SAMD4A: variants seen among roughly 807,000 people sequenced by gnomAD.
The protein encoded by SAMD4A is sterile alpha motif domain containing 4A, also known as protein Smaug homolog 1.
In SAMD4A, 33 loss-of-function variants were observed where a neutral mutation model predicts 81.3. That is an observed-to-expected ratio of 0.41 (90% CI 0.31 to 0.54). SAMD4A has a LOEUF of 0.54. SAMD4A is among the 20% of genes least tolerant of loss of function. The pLI is 0.37. For missense variants in SAMD4A, 854 were observed against 951.1 expected, an observed-to-expected ratio of 0.90 and a Z score of 1.34; for synonymous variants, 389 against 382.1, an observed-to-expected ratio of 1.02 and a Z score of -0.21.
chr14:54,708,353 C>T (rs904196847), intron 3 of SAMD4A, among the ~76,000 whole-genome samples: 9 of 152,112 alleles, frequency 5.9e-5, no homozygotes, highest in African/African-American at 1.9e-4. Context: ...GGAGTAAGCT[C>T]GGGAGTTCAG....
chr14:54,751,042 G>A (rs1204629137), intron 5 of SAMD4A, among the ~76,000 whole-genome samples: 1 of 152,150 alleles, frequency 6.6e-6, no homozygotes, highest in Non-Finnish European at 1.5e-5. Flanking sequence ...TGGGAAGATT[G>A]CTTGAGCCCA....
intron 2 of SAMD4A, chr14:54,695,035 C>G (rs1303374566): frequency 6.4e-6 from 3 of 468,142 alleles, no homozygotes; most frequent in African/African-American, 6.4e-5. Flanking sequence ...CTTCTGCTGT[C>G]AGAAAAGACT....
intron 2 of SAMD4A, among the ~76,000 whole-genome samples, chr14:54,651,856 C>T (rs1422142389): frequency 6.6e-6 from 1 of 152,168 alleles, no homozygotes; most frequent in African/African-American, 2.4e-5. Context: ...GGCCATGACT[C>T]TTATATAGAC....
intron 2 of SAMD4A, among the ~76,000 whole-genome samples, chr14:54,654,123 C>T (rs1323267550): frequency 3.9e-5 from 6 of 152,156 alleles, no homozygotes; most frequent in Non-Finnish European, 7.3e-5. Context: ...TTTCAGTTGA[C>T]GTATTCATTC....
At position 54,663,777 on chromosome 14, in the gene SAMD4A, T is replaced by C. The variant is rs551381643; in HGVS notation, c.197-38285T>C. 2.0e-5 allele frequency among the ~76,000 whole-genome samples: 3 copies of C among 152,332 alleles called. No homozygotes were observed. The East Asian group carries it at 5.8e-4, about 29-fold the overall frequency. On this transcript the variant is annotated intron_variant, in intron 2 of 12. Coordinates refer to ENST00000554335, the MANE Select transcript of SAMD4A (RefSeq NM_015589.6). ...GTACTGTGGGAGCTCACTTAATCCA[T>C]CTGCCAGTTAACATGTTCTCTCTCT...
At chr14:54,704,921 T>C (rs1250618316) in intron 3 of SAMD4A, among the ~76,000 whole-genome samples, 1 of 152,204 alleles carries the variant, frequency 6.6e-6, no homozygotes, top group African/African-American at 2.4e-5. Context: ...CCTCTATCAA[T>C]AAACCCTGAG....
At chr14:54,641,039 CG>C (rs2035162605) in intron 2 of SAMD4A, among the ~76,000 whole-genome samples, 1 of 152,160 alleles carries the variant, frequency 6.6e-6, no homozygotes, top group African/African-American at 2.4e-5. Context: ...AATAAAAGCT[CG>C]GCTGTTCCTC....
chr14:54,650,589 C>G (rs956351657), intron 2 of SAMD4A, among the ~76,000 whole-genome samples: 5 of 152,190 alleles, frequency 3.3e-5, no homozygotes, highest in Admixed American at 3.3e-4. Flanking sequence ...CCAGAAAACA[C>G]TGGTTTCCCC....
At chr14:54,592,702 C>T (rs2033812026) in intron 2 of SAMD4A, among the ~76,000 whole-genome samples, 1 of 152,106 alleles carries the variant, frequency 6.6e-6, no homozygotes, top group Admixed American at 6.5e-5. Context: ...CTCGTGATCC[C>T]CCTGTCTTGG....
At chr14:54,707,865 A>G (rs1398476080) in intron 3 of SAMD4A, among the ~76,000 whole-genome samples, 1 of 152,184 alleles carries the variant, frequency 6.6e-6, no homozygotes, top group Non-Finnish European at 1.5e-5. Context: ...GGAAAAAGCA[A>G]GAAGGCTGGT....
At chr14:54,621,516 A>ATT (rs34686015) in intron 2 of SAMD4A, among the ~76,000 whole-genome samples, 2 of 141,764 alleles carry the variant, frequency 1.4e-5, no homozygotes, top group East Asian at 2.1e-4. Context: ...TGCCCAAATA[A>ATT]TTTTTTTTTT....
intron 2 of SAMD4A, among the ~76,000 whole-genome samples, chr14:54,575,315 C>T (rs1399787603): frequency 1.6e-4 from 24 of 152,182 alleles, no homozygotes; most frequent in Admixed American, 1.6e-3. Flanking sequence ...TATCAAATGG[C>T]AGTAACCTGT....
chr14:54,628,545 C>T (rs868633710), intron 2 of SAMD4A, among the ~76,000 whole-genome samples: 1 of 152,126 alleles, frequency 6.6e-6, no homozygotes, highest in Non-Finnish European at 1.5e-5. Flanking sequence ...ATAAAGCATG[C>T]TCTGTCCCCA....
At chr14:54,656,354 C>T (rs1368949969) in intron 2 of SAMD4A, among the ~76,000 whole-genome samples, 1 of 152,200 alleles carries the variant, frequency 6.6e-6, no homozygotes, top group African/African-American at 2.4e-5. Flanking sequence ...GCTTCTCTCT[C>T]CATGTCACAT....
At chr14:54,644,165 A>G (rs1366532646) in intron 2 of SAMD4A, among the ~76,000 whole-genome samples, 1 of 147,658 alleles carries the variant, frequency 6.8e-6, no homozygotes, top group Non-Finnish European at 1.5e-5. Flanking sequence ...ATTTTCACAC[A>G]CATTTCTTGA....
chr14:54,773,172 C>G (rs940388763), intron 9 of SAMD4A, among the ~76,000 whole-genome samples: 1 of 152,170 alleles, frequency 6.6e-6, no homozygotes, highest in Admixed American at 6.5e-5. Flanking sequence ...CACTTCTCCC[C>G]TTAGGAAATT....
At chr14:54,754,845 C>T (rs2038197575) in intron 6 of SAMD4A, 1 of 987,950 alleles carries the variant, frequency 1.0e-6, no homozygotes, top group African/African-American at 1.7e-5. Flanking sequence ...TTACTGAACC[C>T]TTATCAAGCA....
At chr14:54,569,445 A>G (rs2033063730) in intron 2 of SAMD4A, among the ~76,000 whole-genome samples, 1 of 152,190 alleles carries the variant, frequency 6.6e-6, no homozygotes, top group Non-Finnish European at 1.5e-5. Flanking sequence ...AAGATCCTGC[A>G]TGGCCAAGTA....
intron 2 of SAMD4A, among the ~76,000 whole-genome samples, chr14:54,678,207 A>G (rs547791836): frequency 6.6e-6 from 1 of 152,316 alleles, no homozygotes; most frequent in South Asian, 2.1e-4. Context: ...ATCTAATGGT[A>G]ATAAACTTAA....
Sources: gnomAD v4.1 joint callset for allele counts (sites outside exome capture counted in the v4.1 genomes callset) on GRCh38, gnomAD v4.1.1 for gene constraint, MANE v1.5 for transcripts, NCBI Gene and HGNC (gene_info 2026-07-23, HGNC 2026-07-21) for gene names.